Variants in CTNNA2 observed in about 807,000 individuals in gnomAD.
CTNNA2 encodes catenin alpha-2.
CTNNA2 carries 42 observed loss-of-function variants against 101.0 expected under a neutral mutation model. The ratio of observed to expected loss-of-function variants is 0.42; its 90% CI spans 0.32 to 0.54. The LOEUF is 0.54. Ranked by LOEUF, CTNNA2 falls within the 20% of genes least tolerant of loss-of-function variation. The probability of loss-of-function intolerance (pLI) is 0.14; values close to 1 mark genes in which losing one functional copy is unlikely to be tolerated. For missense variants in CTNNA2, 871 were observed against 1,223.1 expected (o/e 0.71, Z 4.29); for synonymous variants, 450 against 456.4 (o/e 0.99, Z 0.18).
At chr2:79,894,370 T>C (rs2104233663) in intron 6 of CTNNA2, among the ~76,000 whole-genome samples, 1 of 151,796 alleles carries the variant, frequency 6.6e-6, no homozygotes, top group East Asian at 1.9e-4. Context: ...TCCATCATCT[T>C]GGTAAGCCCA....
In CTNNA2 at chr2:80,008,626, G is replaced by A. The variant is rs1041918144; in HGVS notation, c.1056+98829G>A. On this transcript the variant is annotated intron_variant, in intron 7 of 18. Coordinates refer to ENST00000402739, the MANE Select transcript of CTNNA2 (RefSeq NM_001282597.3). ...GGACTCAGTTTCCCTCCATGTTTAGGTAGAGGGTCTACAGTCAGACTGCCT... is the reference window on the plus strand; with the variant it reads ...GGACTCAGTTTCCCTCCATGTTTAGATAGAGGGTCTACAGTCAGACTGCCT... 9.2e-5 allele frequency among the ~76,000 whole-genome samples: 14 copies of A among 152,304 alleles called. 1 individual carries two copies. The highest frequency in any genetic ancestry group is 3.4e-4 in the African/African-American group (14 of 41,572).
intron 9 of CTNNA2, among the ~76,000 whole-genome samples, chr2:80,508,179 A>G (rs993999768): frequency 6.6e-5 from 10 of 152,136 alleles, no homozygotes; most frequent in African/African-American, 2.2e-4. Flanking sequence ...AAGAATAAAC[A>G]AGTGGGGCTG....
At chr2:79,457,501 T>G (rs1670838549) in intron 4 of CTNNA2, among the ~76,000 whole-genome samples, 2 of 152,110 alleles carry the variant, frequency 1.3e-5, no homozygotes. Context: ...GGGGGGGAAA[T>G]AAAATGTTAA....
At chr2:80,265,459 G>T (rs1237057524) in intron 7 of CTNNA2, among the ~76,000 whole-genome samples, 3 of 152,142 alleles carry the variant, frequency 2.0e-5, no homozygotes, top group Non-Finnish European at 2.9e-5. Context: ...ATTGGGAATG[G>T]AAAGATGCAT....
At chr2:79,963,688 C>G (rs1250272942) in intron 7 of CTNNA2, among the ~76,000 whole-genome samples, 1 of 152,142 alleles carries the variant, frequency 6.6e-6, no homozygotes, top group East Asian at 1.9e-4. Flanking sequence ...CCAGCCCACC[C>G]ACATTATCCC....
In CTNNA2 at chr2:80,174,748, C is replaced by T. The variant is rs191855047; in HGVS notation, c.1057-218463C>T. 8.5e-4 allele frequency among the ~76,000 whole-genome samples: 130 copies of T among 152,204 alleles called. 2 individuals are homozygous for T. The highest frequency in any genetic ancestry group is 7.7e-4 in the East Asian group (4 of 5,176). ...GTTTATGTTATCTTTCTCTCTTTTC[C>T]TTTACCTTCCATATCACTTCCATGT... On this transcript the variant is annotated intron_variant, in intron 7 of 18. Coordinates refer to ENST00000402739, the MANE Select transcript of CTNNA2 (RefSeq NM_001282597.3).
At chr2:79,386,778 C>A (rs996753142) in intron 4 of CTNNA2, among the ~76,000 whole-genome samples, 5 of 152,188 alleles carry the variant, frequency 3.3e-5, no homozygotes, top group African/African-American at 1.2e-4. Context: ...ACTTATTTAA[C>A]AATTCATTGT....
Position 79,836,566 on chromosome 2 carries a change from A to G in CTNNA2, c.299-21447A>G, listed in dbSNP as rs138140680. Among the ~76,000 whole-genome samples, 373 of 152,312 alleles carry G rather than the reference A, an allele frequency of 2.4e-3. 3 individuals are homozygous for G. Among genetic ancestry groups the G allele is most frequent in the African/African-American group, 8.8e-3 (364 of 41,558 alleles). ...TTACTTTTTAACAGCTCTGGAGGCTAGAAGTCCAAAATCAAGATGTTGGCA... is the reference window on the plus strand; with the variant it reads ...TTACTTTTTAACAGCTCTGGAGGCTGGAAGTCCAAAATCAAGATGTTGGCA... On this transcript the variant is annotated intron_variant, in intron 3 of 18. Transcript: ENST00000402739.
intron 7 of CTNNA2, among the ~76,000 whole-genome samples, chr2:79,944,477 A>G (rs1187455750): frequency 6.6e-6 from 1 of 152,198 alleles, no homozygotes; most frequent in Non-Finnish European, 1.5e-5. Context: ...CTTATACCTC[A>G]GTGAACTGTC....
At chr2:79,493,916 A>T (rs1180998946) in intron 4 of CTNNA2, 6 of 152,198 alleles carry the variant, frequency 3.9e-5, no homozygotes, top group Non-Finnish European at 2.9e-5. Flanking sequence ...AAGTTAAAAC[A>T]ATTAAAATAA....
chr2:79,441,796 C>T (rs1265040365), intron 4 of CTNNA2, among the ~76,000 whole-genome samples: 2 of 152,280 alleles, frequency 1.3e-5, no homozygotes, highest in East Asian at 3.9e-4. Flanking sequence ...GACTATAATA[C>T]ACATGAAAAC....
At chr2:80,306,407 T>TTC (rs752968490) in intron 7 of CTNNA2, among the ~76,000 whole-genome samples, 1 of 104,444 alleles carries the variant, frequency 9.6e-6, no homozygotes. Context: ...TTCTTTTCTT[T>TTC]CTTTCTTTCT....
At chr2:79,263,010 T>C (rs1674943343) in intron 2 of CTNNA2, among the ~76,000 whole-genome samples, 1 of 152,178 alleles carries the variant, frequency 6.6e-6, no homozygotes, top group African/African-American at 2.4e-5. Context: ...TTTATTACAT[T>C]TTTAAAAATT....
rs150511751 is a variant in CTNNA2 at position 79,567,868 on chromosome 2, G to T, written c.-6+54661G>T. 9.6e-4 allele frequency among the ~76,000 whole-genome samples: 146 copies of T among 152,208 alleles called. 1 individual carries two copies. The highest frequency in any genetic ancestry group is 3.4e-3 in the African/African-American group (140 of 41,554). Reference sequence around the variant, plus strand: ...CTGGAGGCTCTAATCAGGAAAAAATGGTTTGAAATTGAGGGAGAAAGTTGG... The same window carrying T: ...CTGGAGGCTCTAATCAGGAAAAAATTGTTTGAAATTGAGGGAGAAAGTTGG... On this transcript the variant is annotated intron_variant, in intron 1 of 18. Coordinates refer to ENST00000402739, the MANE Select transcript of CTNNA2 (RefSeq NM_001282597.3).
rs188285430 is a variant in CTNNA2 at position 79,961,597 on chromosome 2, C to T, written c.1056+51800C>T. Among the ~76,000 whole-genome samples, 542 of 151,758 alleles carry T rather than the reference C, an allele frequency of 3.6e-3. 6 individuals carry two copies. Among genetic ancestry groups the T allele is most frequent in the African/African-American group, 0.012 (505 of 41,424 alleles). ...CAGCAGTTTGGGAGGCTGAGGCGGG[C>T]GGATCACCAGGTCAGGAGATAGAGA... is the stretch of plus-strand genomic sequence containing the variant. On this transcript the variant is annotated intron_variant, in intron 7 of 18. Transcript: ENST00000402739.
chr2:80,465,590 G>A (rs1559132962), intron 9 of CTNNA2, among the ~76,000 whole-genome samples: 1 of 152,102 alleles, frequency 6.6e-6, no homozygotes, highest in Non-Finnish European at 1.5e-5. Context: ...CGATGCTGGT[G>A]CATTTAGAAA....
chr2:79,243,088 T>C (rs940845055), intron 2 of CTNNA2, among the ~76,000 whole-genome samples: 2 of 151,730 alleles, frequency 1.3e-5, no homozygotes, highest in African/African-American at 2.4e-5. Context: ...TTTCTTATTG[T>C]CTACCTTACC....
chr2:80,532,412 T>C (rs1217291936), intron 9 of CTNNA2, among the ~76,000 whole-genome samples: 1 of 152,226 alleles, frequency 6.6e-6, no homozygotes, highest in Non-Finnish European at 1.5e-5. Context: ...TGCCCCTTCG[T>C]CACTTAGTAT....
chr2:79,492,553 T>C (rs962090443), intron 4 of CTNNA2, among the ~76,000 whole-genome samples: 4 of 152,114 alleles, frequency 2.6e-5, no homozygotes, highest in Admixed American at 6.6e-5. Flanking sequence ...ATAAGATTTA[T>C]AATCTAAGTT....
Sources: allele counts gnomAD v4.1 joint callset (sites outside exome capture counted in the v4.1 genomes callset), GRCh38; gene constraint gnomAD v4.1.1; transcripts MANE v1.5; gene names NCBI Gene and HGNC (gene_info 2026-07-23, HGNC 2026-07-21).